The following MRPL20 variants were observed in gnomAD, a reference collection of about 807,000 sequenced individuals.
The protein encoded by MRPL20 is mitochondrial ribosomal protein L20.
A neutral mutation model predicts 20.0 loss-of-function variants in MRPL20; 21 were observed. The observed-to-expected ratio is 1.05, with a 90% CI of 0.74 to 1.51. MRPL20 has a LOEUF of 1.51. MRPL20 is among the 40% of genes most tolerant of loss of function. MRPL20 has a pLI of 0.00. For missense variants in MRPL20, 252 were observed against 185.6 expected, an observed-to-expected ratio of 1.36 and a Z score of -2.08; for synonymous variants, 104 against 73.0, an observed-to-expected ratio of 1.43 and a Z score of -2.17.
At chr1:1,402,574 G>A (rs1570063188) in intron 3 of MRPL20, 1 of 1,090,568 alleles carries the variant, frequency 9.2e-7, no homozygotes, top group Non-Finnish European at 1.1e-6. Context: ...CTGGCCTAGG[G>A]TAACCCTTTA....
At chr1:1,405,477 T>C (rs756861332) in intron 3 of MRPL20, 1 of 601,582 alleles carries the variant, frequency 1.7e-6, no homozygotes, top group Non-Finnish European at 3.0e-6. Context: ...GGTCTCACTA[T>C]GTTGCCCAGG....
chr1:1,403,728 A>T (rs564904748), intron 3 of MRPL20, among the ~76,000 whole-genome samples: 184 of 152,264 alleles, frequency 1.2e-3, no homozygotes, highest in African/African-American at 4.0e-3. Flanking sequence ...AGATTCAGTA[A>T]TCACCAAGAT....
At position 1,407,154 on chromosome 1, in the gene MRPL20, G is replaced by A; in HGVS notation, c.64C>T (p.Gln22Ter). 1 of 1,608,276 alleles carries A rather than the reference G, an allele frequency of 6.2e-7. No homozygotes were observed. The highest frequency in any genetic ancestry group is 8.5e-7 in the Non-Finnish European group (1 of 1,177,486). The change falls in exon 1 of 4, where the codon CAG (glutamine) becomes TAG (stop). Residue 22 changes from glutamine (Q) to a stop codon, truncating the protein, a stop_gained. Transcript: ENST00000344843. LOFTEE classifies it high-confidence loss of function. ...ACCCTGGCGTGCTTCAGCACCTCCT[G>A]GATCCGAAAGTAGCGGTCGGTGACG... is the stretch of plus-strand genomic sequence containing the variant. ...NRVTDRYFRI[Q>*]EVLKHARHFR...
chr1:1,404,149 T>C (rs1410476737), intron 3 of MRPL20, among the ~76,000 whole-genome samples: 4 of 151,942 alleles, frequency 2.6e-5, no homozygotes, highest in Non-Finnish European at 5.9e-5. Context: ...CCAGCCTCAT[T>C]GTTTTAACTT....
At chr1:1,407,093 C>T (rs761073310) in intron 1 of MRPL20, 38 bp downstream of exon 1, 2 of 1,608,984 alleles carry the variant, frequency 1.2e-6, no homozygotes, top group Non-Finnish European at 1.7e-6. Flanking sequence ...CGGGATACCC[C>T]GGGCGCCCAG....
At chr1:1,404,101 T>C (rs1645360322) in intron 3 of MRPL20, among the ~76,000 whole-genome samples, 1 of 151,906 alleles carries the variant, frequency 6.6e-6, no homozygotes, top group African/African-American at 2.4e-5. Flanking sequence ...TGCCTCTGCC[T>C]CTCAACATAC....
Position 1,406,808 on chromosome 1 carries a change from G to C in MRPL20, c.198+101C>G, listed in dbSNP as rs1417032864. 4 of 983,884 alleles carry C rather than the reference G, an allele frequency of 4.1e-6. No individual in the cohort carries two copies. The East Asian group carries it at 7.2e-5, about 18-fold the overall frequency. 60.9% of individuals were successfully genotyped at this position (983,884 alleles called of 1,614,324 possible). ...TTCGAAGCAAGGTATGAAAGGAAGG[G>C]GCTGAGGGTGGCCGGGCGGCTGCAC... On this transcript the variant is annotated intron_variant, in intron 2 of 3. Transcript: ENST00000344843.
chr1:1,407,279 G>A lies in MRPL20; in HGVS notation c.-62C>T. 1.4e-6 allele frequency: 2 copies of A among 1,439,152 alleles called. No individual in the cohort carries two copies. Among genetic ancestry groups the A allele is most frequent in the South Asian group, 1.2e-5 (1 of 82,332 alleles). The allele number at this position is 1,439,152 out of a possible 1,614,324, so 89.1% of individuals were successfully genotyped here. A position where few individuals can be genotyped will look rare whatever the true frequency, so the allele number is the denominator to read the frequency against. ...GCACGCGCAGCGCCGCTGCCATCTTGCCCGGGTCGGAAATGGTGGTCACGA... is the reference window on the plus strand; with the variant it reads ...GCACGCGCAGCGCCGCTGCCATCTTACCCGGGTCGGAAATGGTGGTCACGA... On this transcript the variant is annotated 5_prime_UTR_variant, in exon 1 of 4. Coordinates refer to ENST00000344843, the MANE Select transcript of MRPL20 (RefSeq NM_017971.4).
At position 1,402,076 on chromosome 1, in the gene MRPL20, A is replaced by G. The variant is rs1200517370; in HGVS notation, c.*7T>C. On this transcript the variant is annotated 3_prime_UTR_variant, in exon 4 of 4. Coordinates refer to ENST00000344843, the MANE Select transcript of MRPL20 (RefSeq NM_017971.4). ...GTCTCTTTTCCTAATCAATACAGCA[A>G]CAGTCCTCAGTGGTACTGCACCACT... The G allele has an allele frequency of 6.2e-7, 1 of 1,606,886 alleles. No homozygotes were observed. The highest frequency in any genetic ancestry group is 8.5e-7 in the Non-Finnish European group (1 of 1,177,624).
chr1:1,403,242 TTTC>T (rs1645349813), intron 3 of MRPL20, among the ~76,000 whole-genome samples: 1 of 109,380 alleles, frequency 9.1e-6, no homozygotes, highest in Non-Finnish European at 1.7e-5. Flanking sequence ...GTCTGTCTCC[TTTC>T]TTTCTTTCTT....
In MRPL20 at chr1:1,402,102, CTG is replaced by C. The variant is rs765232562; in HGVS notation, c.429_430del (p.Arg144SerfsTer35). 1 of 1,614,028 alleles carries C rather than the reference CTG, an allele frequency of 6.2e-7. No homozygotes were observed. Among genetic ancestry groups the C allele is most frequent in the Non-Finnish European group, 8.5e-7 (1 of 1,179,956 alleles). On this transcript the variant is annotated frameshift_variant, in exon 4 of 4. Transcript: ENST00000344843. LOFTEE classifies it high-confidence loss of function. ...CAGTCCTCAGTGGTACTGCACCACT[CTG>C]GAAAAAATGCCTTCAGGTTCCTTCC...
rs932676822 is a variant in MRPL20 at position 1,407,250 on chromosome 1, C to G, written c.-33G>C. On this transcript the variant is annotated 5_prime_UTR_variant, in exon 1 of 4. Transcript: ENST00000344843. ...GCAGGCCGGCGTCCCGAACACTCAACAACGCACGCGCAGCGCCGCTGCCAT... is the reference window on the plus strand; with the variant it reads ...GCAGGCCGGCGTCCCGAACACTCAAGAACGCACGCGCAGCGCCGCTGCCAT... 1 of 1,543,644 alleles carries G rather than the reference C, an allele frequency of 6.5e-7. No homozygotes were observed. The highest frequency in any genetic ancestry group is 8.8e-7 in the Non-Finnish European group (1 of 1,135,390).
intron 3 of MRPL20, chr1:1,405,398 T>A (rs1570068909): frequency 1.8e-6 from 1 of 552,244 alleles, no homozygotes; most frequent in East Asian, 3.0e-5. Flanking sequence ...TGCTTCAGAC[T>A]CCTCAGTAGC....
At chr1:1,403,820 C>T (rs759452594) in intron 3 of MRPL20, among the ~76,000 whole-genome samples, 2 of 152,164 alleles carry the variant, frequency 1.3e-5, no homozygotes, top group Admixed American at 6.5e-5. Flanking sequence ...CCTGCTATGT[C>T]ATCAGAAATC....
chr1:1,402,318 G>A, intron 3 of MRPL20, 62 bp from the exon 4 acceptor site: 1 of 1,529,128 alleles, frequency 6.5e-7, no homozygotes, highest in Non-Finnish European at 8.8e-7. Flanking sequence ...GCTCCGCGTG[G>A]TTGCGGCGCT....
At chr1:1,403,976 A>G (rs1014811741) in intron 3 of MRPL20, among the ~76,000 whole-genome samples, 10 of 142,074 alleles carry the variant, frequency 7.0e-5, no homozygotes, top group African/African-American at 2.4e-4. Context: ...CGAGTAGCAT[A>G]CAGGCGCATG....
intron 2 of MRPL20, chr1:1,406,219 C>T (rs780033726): frequency 1.6e-5 from 4 of 248,518 alleles, no homozygotes; most frequent in East Asian, 1.0e-4. Flanking sequence ...AGCTTGGTGG[C>T]GCACACCTGC....
At chr1:1,402,417 G>C in intron 3 of MRPL20, 161 bp from the exon 4 acceptor site, 1 of 1,386,386 alleles carries the variant, frequency 7.2e-7, no homozygotes. Context: ...AGGACTTCCA[G>C]GCAGGATGCT....
chr1:1,402,670 G>T (rs1437727735), intron 3 of MRPL20: 2 of 962,870 alleles, frequency 2.1e-6, no homozygotes, highest in Non-Finnish European at 2.5e-6. Context: ...GAAAAGGGGG[G>T]CCGTCTCTTT....
Sources: gnomAD v4.1 joint callset for allele counts (sites outside exome capture counted in the v4.1 genomes callset) on GRCh38, gnomAD v4.1.1 for gene constraint, MANE v1.5 for transcripts, NCBI Gene and HGNC (gene_info 2026-07-23, HGNC 2026-07-21) for gene names.